CAMSAP3: variants seen among roughly 807,000 people sequenced by gnomAD.
CAMSAP3 encodes calmodulin-regulated spectrin-associated protein 3.
Under a neutral mutation model 112.5 loss-of-function variants are expected in CAMSAP3, and 34 were observed. That is an observed-to-expected ratio of 0.30 (90% CI 0.23 to 0.40). The LOEUF (loss-of-function observed/expected upper bound fraction) is 0.40. CAMSAP3 is among the 10% of genes least tolerant of loss of function. The pLI, the probability that CAMSAP3 is intolerant of heterozygous loss-of-function variation, is 1.00. For missense variants in CAMSAP3, 1,602 were observed against 1,770.3 expected, an observed-to-expected ratio of 0.90 and a Z score of 1.71; for synonymous variants, 868 against 799.8, an observed-to-expected ratio of 1.09 and a Z score of -1.44.
In CAMSAP3 at chr19:7,611,396, G is replaced by T; in HGVS notation, c.1124-121G>T. 3.9e-6 allele frequency: 4 copies of T among 1,018,828 alleles called. No homozygotes were observed. The highest frequency in any genetic ancestry group is 5.8e-6 in the Non-Finnish European group (4 of 695,394). The allele number at this position is 1,018,828 out of a possible 1,614,324, so 63.1% of individuals were successfully genotyped here. A position where few individuals can be genotyped will look rare whatever the true frequency, so the allele number is the denominator to read the frequency against. The stretch of plus-strand genomic sequence containing the variant: ...TTTCTGGAAACCTCTGGTCTCACTA[G>T]ACCACATAATGAGCCATCAGTGACT... On this transcript the variant is annotated intron_variant, in intron 9 of 16. Transcript: ENST00000160298. This position sits in a 1 kb window ranked among gnomAD's most constrained non-coding sequence, Gnocchi z 6.9.
At position 7,617,622 on chromosome 19, in the gene CAMSAP3, G is replaced by T. The variant is rs751147061; in HGVS notation, c.3405G>T (p.Ala1135=). The T allele has an allele frequency of 6.2e-7, 1 of 1,614,170 alleles. No individual in the cohort carries two copies. The highest frequency in any genetic ancestry group is 8.5e-7 in the Non-Finnish European group (1 of 1,180,034). Residue 1135 remains alanine, a synonymous_variant, in exon 16 of 17, where the codon GCG becomes GCT. Transcript: ENST00000160298. This position sits in a 1 kb window ranked among gnomAD's most constrained non-coding sequence, Gnocchi z 7.5. ...ATGCCCTATCACACTGCTGCCTGGC[G>T]GGCAAGGTGAACGAACCGCAGAAGA... ...IHNALSHCCL[A]GKVNEPQKNR... is the part of the protein sequence containing the mutation.
At chr19:7,616,387 C>A (rs1002539796) in intron 13 of CAMSAP3, 136 bp from the exon 14 acceptor site, 20 of 663,968 alleles carry the variant, frequency 3.0e-5, no homozygotes, top group Non-Finnish European at 4.9e-5. Context: ...GGGGTCCCCC[C>A]ATAGGGGTGC....
chr19:7,601,884 T>G (rs1000059525), intron 1 of CAMSAP3, among the ~76,000 whole-genome samples: 22 of 151,336 alleles, frequency 1.5e-4, no homozygotes, highest in African/African-American at 5.3e-4. Flanking sequence ...GTCAACGTGG[T>G]GAAACCCCAT....
At chr19:7,606,964 A>G (rs1599351657) in intron 4 of CAMSAP3, among the ~76,000 whole-genome samples, 1 of 151,878 alleles carries the variant, frequency 6.6e-6, no homozygotes, top group South Asian at 2.1e-4. Context: ...GACAGGGAGA[A>G]CCCCTCTGTG....
At position 7,612,609 on chromosome 19, in the gene CAMSAP3, C is replaced by A; in HGVS notation, c.2116C>A (p.Leu706Met). 1 of 1,530,272 alleles carries A rather than the reference C, an allele frequency of 6.5e-7. No homozygotes were observed. Among genetic ancestry groups the A allele is most frequent in the Non-Finnish European group, 8.8e-7 (1 of 1,142,382 alleles). 94.8% of individuals were successfully genotyped at this position (1,530,272 alleles called of 1,614,324 possible). ...LGEYNRAVSK[L>M]SAALSSLQRD... ...GGAATACAATCGAGCGGTCAGCAAG[C>A]TGAGTGCCGCCTTGAGCTCGCTGCA... is the stretch of plus-strand genomic sequence containing the variant. Residue 706 changes from leucine to methionine, a missense_variant, in exon 11 of 17, where the codon CTG (leucine) becomes ATG (methionine). Transcript: ENST00000160298.
intron 5 of CAMSAP3, among the ~76,000 whole-genome samples, chr19:7,609,990 G>T (rs2030392917): frequency 6.6e-6 from 1 of 152,108 alleles, no homozygotes; most frequent in Admixed American, 6.5e-5. Flanking sequence ...ACGCCCCGGG[G>T]GTTAAGGACC....
Position 7,615,184 on chromosome 19 carries a change from A to T in CAMSAP3, c.2672A>T (p.Asp891Val). The T allele has an allele frequency of 6.4e-7, 1 of 1,554,674 alleles. No individual in the cohort carries two copies. Among genetic ancestry groups the T allele is most frequent in the Non-Finnish European group, 8.7e-7 (1 of 1,149,494 alleles). Reference protein sequence around the residue: ...PRVGLGFFYKDEDKPEDEMAQ... With the variant: ...PRVGLGFFYKVEDKPEDEMAQ... ...GCTGGACTCGGCGTCTGTCCCCAGG[A>T]TGAAGACAAGCCTGAGGACGAGATG... The change falls in exon 12 of 17, where the codon GAT becomes GTT. Residue 891 changes from aspartate (D) to valine (V), a missense_variant and splice_region_variant. This residue lies in a region of CAMSAP3 where 1,100 missense variants were observed against 1,135.7 expected (regional missense o/e 0.97). Transcript: ENST00000160298. This position sits in a 1 kb window ranked among gnomAD's most constrained non-coding sequence, Gnocchi z 6.5.
Position 7,612,756 on chromosome 19 carries a change from G to T in CAMSAP3, c.2263G>T (p.Ala755Ser). The change falls in exon 11 of 17, where the codon GCA becomes TCA. Residue 755 changes from alanine to serine, a missense_variant. Transcript: ENST00000160298. ...TGGCCCCACGACGGGGCCCAAAGCT[G>T]CATCCCCCAGCCCCGCCCGGCGAGT... ...IPGPTTGPKA[A>S]SPSPARRVPA... 1 of 1,532,184 alleles carries T rather than the reference G, an allele frequency of 6.5e-7. No homozygotes were observed. The allele number at this position is 1,532,184 out of a possible 1,614,324, so 94.9% of individuals were successfully genotyped here. A position where few individuals can be genotyped will look rare whatever the true frequency, so the allele number is the denominator to read the frequency against.
intron 11 of CAMSAP3, among the ~76,000 whole-genome samples, chr19:7,613,974 C>T (rs2030641982): frequency 6.6e-6 from 1 of 152,022 alleles, no homozygotes; most frequent in Non-Finnish European, 1.5e-5. Context: ...AAGTCCTCCC[C>T]AGGGTGGCCG....
At chr19:7,599,714 A>C (rs1405985728) in intron 1 of CAMSAP3, among the ~76,000 whole-genome samples, 7 of 41,000 alleles carry the variant, frequency 1.7e-4, no homozygotes, top group Admixed American at 3.6e-4. Flanking sequence ...ATCCACCCAC[A>C]CACTCATCCA....
At position 7,610,268 on chromosome 19, in the gene CAMSAP3, G is replaced by T. The variant is rs1439343441; in HGVS notation, c.761-208G>T. Reference sequence around the variant, plus strand: ...GGGAGGCAGAGGTTGCAGTGAGCTGGGATTGCGCCACTGCACTACAGCCTG... The same window carrying T: ...GGGAGGCAGAGGTTGCAGTGAGCTGTGATTGCGCCACTGCACTACAGCCTG... On this transcript the variant is annotated intron_variant, in intron 5 of 16. Transcript: ENST00000160298. The surrounding 1 kb of genome is among the most constrained non-coding windows in gnomAD (Gnocchi z 4.9). Among the ~76,000 whole-genome samples the T allele has an allele frequency of 6.6e-6, 1 of 151,370 alleles. No homozygotes were observed. The highest frequency in any genetic ancestry group is 1.5e-5 in the Non-Finnish European group (1 of 67,830).
Position 7,595,891 on chromosome 19 carries a change from C to A in CAMSAP3, c.-112C>A, listed in dbSNP as rs1228753804. 19 of 441,684 alleles carry A rather than the reference C, an allele frequency of 4.3e-5. No homozygotes were observed. Among genetic ancestry groups the A allele is most frequent in the African/African-American group, 3.9e-4 (18 of 46,362 alleles). 27.4% of individuals were successfully genotyped at this position (441,684 alleles called of 1,614,324 possible). ...CCTGGCTCAGCAGCGGCGGCGGCGG[C>A]GGCGGCGGCAGCGGCGGTAGCAGCA... On this transcript the variant is annotated 5_prime_UTR_variant, in exon 1 of 17. Coordinates refer to ENST00000160298, the MANE Select transcript of CAMSAP3 (RefSeq NM_020902.2).
chr19:7,599,698 GCACTCATCCACCCACA>G (rs2029867372), intron 1 of CAMSAP3, among the ~76,000 whole-genome samples: 1 of 30,296 alleles, frequency 3.3e-5, no homozygotes. Context: ...ATCCACCCAC[GCACTCATCCACCCACA>G]CACTCATCCA....
rs2030302933 is a variant in CAMSAP3, at chr19:7,607,991, C to T, written c.622-135C>T. ...GCCCCTCCCCTGCTCCAGGCTGGCCCCCCAACTCTGTCTCTGGGACCCCCA... is the reference window on the plus strand; with the variant it reads ...GCCCCTCCCCTGCTCCAGGCTGGCCTCCCAACTCTGTCTCTGGGACCCCCA... On this transcript the variant is annotated intron_variant, in intron 4 of 16. Coordinates refer to ENST00000160298, the MANE Select transcript of CAMSAP3 (RefSeq NM_020902.2). The surrounding 1 kb of genome is among the most constrained non-coding windows in gnomAD (Gnocchi z 4.9). 1.8e-6 allele frequency: 2 copies of T among 1,114,656 alleles called. No individual in the cohort carries two copies. Among genetic ancestry groups the T allele is most frequent in the Non-Finnish European group, 2.6e-6 (2 of 760,866 alleles). The allele number at this position is 1,114,656 out of a possible 1,614,324, so 69.0% of individuals were successfully genotyped here.
Position 7,617,221 on chromosome 19 carries a change from C to G in CAMSAP3, c.3213-105C>G. 4.7e-4 allele frequency: 371 copies of G among 783,796 alleles called. No individual in the cohort carries two copies. Among genetic ancestry groups the G allele is most frequent in the Middle Eastern group, 1.4e-3 (4 of 2,894 alleles). 48.6% of individuals were successfully genotyped at this position (783,796 alleles called of 1,614,324 possible). A position where few individuals can be genotyped will look rare whatever the true frequency, so the allele number is the denominator to read the frequency against. On this transcript the variant is annotated intron_variant, in intron 14 of 16. Transcript: ENST00000160298. The surrounding 1 kb of genome is among the most constrained non-coding windows in gnomAD (Gnocchi z 7.5). ...CATGAGCCACGATGCCCAGCCGTGG[C>G]CCTTATTTTCCTTGGCCCCTCTGCA...
chr19:7,601,707 A>G (rs971094350), intron 1 of CAMSAP3, among the ~76,000 whole-genome samples: 1 of 110,186 alleles, frequency 9.1e-6, no homozygotes, highest in Admixed American at 9.8e-5. Flanking sequence ...GTGAGACCCC[A>G]TCTCTAAAAT....
In CAMSAP3 at chr19:7,617,634, C is replaced by T. The variant is rs201882502; in HGVS notation, c.3417C>T (p.Asn1139=). 8.7e-6 allele frequency: 14 copies of T among 1,614,138 alleles called. No individual in the cohort carries two copies. Among genetic ancestry groups the T allele is most frequent in the Middle Eastern group, 1.6e-4 (1 of 6,062 alleles). The change falls in exon 16 of 17, where the codon AAC becomes AAT. Residue 1139 remains asparagine, a synonymous_variant. Coordinates refer to ENST00000160298, the MANE Select transcript of CAMSAP3 (RefSeq NM_020902.2). This position sits in a 1 kb window ranked among gnomAD's most constrained non-coding sequence, Gnocchi z 7.5. ...LSHCCLAGKV[N]EPQKNRILEE... ...ACTGCTGCCTGGCGGGCAAGGTGAA[C>T]GAACCGCAGAAGAATCGCATTCTGG...
At position 7,605,381 on chromosome 19, in the gene CAMSAP3, T is replaced by C; in HGVS notation, c.304T>C (p.Ser102Pro). 6.4e-7 allele frequency: 1 copy of C among 1,567,760 alleles called. No homozygotes were observed. Among genetic ancestry groups the C allele is most frequent in the South Asian group, 1.2e-5 (1 of 86,886 alleles). Residue 102 changes from serine to proline, a missense_variant, in exon 2 of 17, where the codon TCT becomes CCT. Physicochemically the swap from Ser to Pro is moderately conservative, Grantham distance 74 (BLOSUM62 -1). Transcript: ENST00000160298. ...LPQLETPPNP[S>P]ALLALLARRG... ...ACAGCTTGAAACACCCCCCAACCCC[T>C]CTGCACTGCTGGCCCTGCTGGCGCG...
rs538230808 is a variant in CAMSAP3, at chr19:7,611,824, G to A, written c.1331G>A (p.Arg444Lys). The A allele has an allele frequency of 3.8e-6, 6 of 1,588,746 alleles. No individual in the cohort carries two copies. In the Admixed American group the frequency reaches 8.6e-5, roughly 23 times the overall value. ...GGCCCCCCGCGTCCCGCGCCGGCCA[G>A]GACCCCCACCCAGCCACCCCCGGAG... The part of the protein sequence containing the change: ...SLGPPRPAPA[R>K]TPTQPPPEPG... The change falls in exon 11 of 17, where the codon AGG (arginine) becomes AAG (lysine). Residue 444 changes from arginine to lysine, a missense_variant. Transcript: ENST00000160298. The surrounding 1 kb of genome is among the most constrained non-coding windows in gnomAD (Gnocchi z 6.9).
Sources: allele counts gnomAD v4.1 joint callset (sites outside exome capture counted in the v4.1 genomes callset), GRCh38; gene constraint gnomAD v4.1.1; regional missense constraint gnomAD v4.1.1; non-coding constraint Gnocchi (gnomAD v3.1); transcripts MANE v1.5; gene names NCBI Gene and HGNC (gene_info 2026-07-23, HGNC 2026-07-21).